The following DPF3 variants were observed in gnomAD, a reference collection of about 807,000 sequenced individuals.
The protein encoded by DPF3 is double PHD fingers 3.
A neutral mutation model predicts 56.8 loss-of-function variants in DPF3; 18 were observed. The ratio of observed to expected loss-of-function variants is 0.32; its 90% CI spans 0.22 to 0.47. DPF3 has a LOEUF of 0.47. Ranked by LOEUF, DPF3 falls within the 20% of genes least tolerant of loss-of-function variation. The pLI is 1.00. For missense variants in DPF3, 403 were observed against 488.8 expected, an observed-to-expected ratio of 0.82 and a Z score of 1.65; for synonymous variants, 188 against 180.2, an observed-to-expected ratio of 1.04 and a Z score of -0.35.
chr14:72,648,569 GAAA>G (rs11348282), intron 8 of DPF3, among the ~76,000 whole-genome samples: 4 of 92,938 alleles, frequency 4.3e-5, no homozygotes, highest in Middle Eastern at 7.0e-3. Context: ...TCTCAAAAAA[GAAA>G]AAAAAAAAAA....
chr14:72,775,403 G>C (rs1285661393), intron 1 of DPF3, among the ~76,000 whole-genome samples: 1 of 152,202 alleles, frequency 6.6e-6, no homozygotes, highest in Non-Finnish European at 1.5e-5. Context: ...CCAGACAAGA[G>C]GAACAAGAAA....
intron 1 of DPF3, among the ~76,000 whole-genome samples, chr14:72,861,872 A>G (rs1885453687): frequency 6.6e-6 from 1 of 152,214 alleles, no homozygotes; most frequent in Admixed American, 6.5e-5. Flanking sequence ...AAATGGTGTC[A>G]TAAGGTTTTA....
chr14:72,729,525 G>A (rs1041199272), intron 4 of DPF3, among the ~76,000 whole-genome samples: 9 of 152,148 alleles, frequency 5.9e-5, no homozygotes, highest in African/African-American at 1.2e-4. Flanking sequence ...GAAATGATAA[G>A]AATAGACTTA....
At chr14:72,843,306 G>A (rs2140071370) in intron 1 of DPF3, among the ~76,000 whole-genome samples, 1 of 152,222 alleles carries the variant, frequency 6.6e-6, no homozygotes. Flanking sequence ...CTGAGTCCGG[G>A]TTTGCTTCAA....
intron 1 of DPF3, among the ~76,000 whole-genome samples, chr14:72,789,398 GT>G (rs1892338382): frequency 6.6e-6 from 1 of 152,228 alleles, no homozygotes; most frequent in South Asian, 2.1e-4. Flanking sequence ...AGGTGGTCTT[GT>G]TTCAGAGTCT....
At chr14:72,630,016 T>C (rs1885080893) in intron 8 of DPF3, among the ~76,000 whole-genome samples, 1 of 151,974 alleles carries the variant, frequency 6.6e-6, no homozygotes, top group South Asian at 2.1e-4. Flanking sequence ...AAAACAATGA[T>C]CAGAGAGAAC....
chr14:72,662,890 C>A, intron 8 of DPF3: 1 of 918,018 alleles, frequency 1.1e-6, no homozygotes, highest in Non-Finnish European at 1.3e-6. Flanking sequence ...GGAACAACTA[C>A]TTAAAAAAGA....
At chr14:72,817,061 ACATGATG>A (rs1883319750) in intron 1 of DPF3, among the ~76,000 whole-genome samples, 1 of 152,140 alleles carries the variant, frequency 6.6e-6, no homozygotes, top group Non-Finnish European at 1.5e-5. Context: ...GAGCCAACCT[ACATGATG>A]CAAAAGCACC....
intron 1 of DPF3, among the ~76,000 whole-genome samples, chr14:72,886,196 A>ATG (rs1886538949): frequency 6.6e-6 from 1 of 152,168 alleles, no homozygotes; most frequent in African/African-American, 2.4e-5. Context: ...ACATGGTGAA[A>ATG]TGCTGTCTCT....
chr14:72,749,294 G>C (rs1474479539), intron 3 of DPF3, among the ~76,000 whole-genome samples: 1 of 152,228 alleles, frequency 6.6e-6, no homozygotes, highest in Non-Finnish European at 1.5e-5. Flanking sequence ...GAACTTGCAT[G>C]GGGCCTGTAG....
intron 6 of DPF3, among the ~76,000 whole-genome samples, chr14:72,713,939 T>G (rs552108797): frequency 6.6e-6 from 1 of 152,262 alleles, no homozygotes; most frequent in East Asian, 1.9e-4. Flanking sequence ...GTCATCGTCA[T>G]AGAAAGATTC....
chr14:72,748,369 C>G (rs1343653002), intron 3 of DPF3, among the ~76,000 whole-genome samples: 1 of 152,126 alleles, frequency 6.6e-6, no homozygotes, highest in Non-Finnish European at 1.5e-5. Flanking sequence ...AATTTCTAAG[C>G]AGCAAAGCAT....
intron 1 of DPF3, among the ~76,000 whole-genome samples, chr14:72,788,417 AGAG>A (rs757506580): frequency 4.6e-5 from 7 of 152,004 alleles, no homozygotes; most frequent in Admixed American, 6.5e-5. Context: ...AGGAAGGGGA[AGAG>A]GAGGAGGAGG....
intron 1 of DPF3, among the ~76,000 whole-genome samples, chr14:72,861,866 G>A (rs529039991): frequency 6.6e-6 from 1 of 152,006 alleles, no homozygotes; most frequent in African/African-American, 2.4e-5. Context: ...TAATGGAAAT[G>A]GTGTCATAAG....
chr14:72,841,935 T>G (rs897399385), intron 1 of DPF3, among the ~76,000 whole-genome samples: 23 of 151,836 alleles, frequency 1.5e-4, no homozygotes, highest in African/African-American at 4.6e-4. Context: ...GAAATTTTTT[T>G]GTAATTAGCT....
chr14:72,864,776 G>A (rs1448143715), intron 1 of DPF3, among the ~76,000 whole-genome samples: 1 of 152,236 alleles, frequency 6.6e-6, no homozygotes, highest in African/African-American at 2.4e-5. Flanking sequence ...TGCCTTTCCT[G>A]TGGGGAAAAG....
At chr14:72,733,983 A>G (rs1889783233) in intron 3 of DPF3, among the ~76,000 whole-genome samples, 1 of 152,204 alleles carries the variant, frequency 6.6e-6, no homozygotes, top group Admixed American at 6.5e-5. Context: ...CCAAAAAAGG[A>G]GAGCAAAGGA....
chr14:72,626,775 C>T (rs972671002), intron 9 of DPF3, among the ~76,000 whole-genome samples: 1 of 152,076 alleles, frequency 6.6e-6, no homozygotes, highest in African/African-American at 2.4e-5. Context: ...CAGGGTTGTA[C>T]TAATTTGTAT....
At chr14:72,650,902 A>G (rs1476800126) in intron 8 of DPF3, among the ~76,000 whole-genome samples, 1 of 152,206 alleles carries the variant, frequency 6.6e-6, no homozygotes, top group Non-Finnish European at 1.5e-5. Flanking sequence ...ATGTCGCTCC[A>G]GTGGCTTAAA....
Sources: gnomAD v4.1 joint callset for allele counts (sites outside exome capture counted in the v4.1 genomes callset) on GRCh38, gnomAD v4.1.1 for gene constraint, MANE v1.5 for transcripts, NCBI Gene and HGNC (gene_info 2026-07-23, HGNC 2026-07-21) for gene names.